Variants in CCDC25 observed in about 807,000 individuals in gnomAD.
CCDC25 encodes coiled-coil domain containing 25, also known as coiled-coil domain-containing protein 25.
A neutral mutation model predicts 35.3 loss-of-function variants in CCDC25; 16 were observed. That is an observed-to-expected ratio of 0.45 (90% CI 0.31 to 0.69). The LOEUF is 0.69. Among genes scored for constraint, CCDC25 ranks in the 30% least tolerant of loss-of-function variants. CCDC25 has a pLI of 0.06. For missense variants in CCDC25, 179 were observed against 250.7 expected (o/e 0.71, Z 1.93); for synonymous variants, 79 against 80.3 (o/e 0.98, Z 0.09).
rs369315188 is a variant in CCDC25 at position 27,759,506 on chromosome 8, G to A, written c.117-2736C>T. Among the ~76,000 whole-genome samples, 104 of 151,900 alleles carry A rather than the reference G, an allele frequency of 6.8e-4. 5 individuals carry two copies. In the East Asian group the frequency reaches 0.012, roughly 17 times the overall value. Reference sequence around the variant, plus strand: ...AGCCTGTAGTCCCAGCTACTTGGGAGGCTGAAGCAGCAGAACCACTTGAAC... The same window carrying A: ...AGCCTGTAGTCCCAGCTACTTGGGAAGCTGAAGCAGCAGAACCACTTGAAC... On this transcript the variant is annotated intron_variant, in intron 3 of 8. Transcript: ENST00000356537.
rs575154856 is a variant in CCDC25 at position 27,771,652 on chromosome 8, A to T, written c.28+861T>A. 2.2e-4 allele frequency among the ~76,000 whole-genome samples: 34 copies of T among 152,290 alleles called. No individual in the cohort carries two copies. In the South Asian group the frequency reaches 2.3e-3, roughly 10 times the overall value. ...TCCTGTCCACGCCCTCAAGGGACTT[A>T]CACTCTAGCTCAAGCAGACACCATT... On this transcript the variant is annotated intron_variant, in intron 1 of 8. Coordinates refer to ENST00000356537, the MANE Select transcript of CCDC25 (RefSeq NM_018246.3).
intron 6 of CCDC25, 32 bp downstream of exon 6, chr8:27,748,463 C>T (rs372998761): frequency 4.6e-6 from 7 of 1,508,652 alleles, no homozygotes; most frequent in Non-Finnish European, 6.4e-6. Context: ...AGTATCAGGG[C>T]TCCGCCTCCT....
At chr8:27,753,505 G>A (rs1257777126) in intron 4 of CCDC25, among the ~76,000 whole-genome samples, 4 of 152,208 alleles carry the variant, frequency 2.6e-5, no homozygotes, top group East Asian at 1.9e-4. Context: ...GAGCCCAGGC[G>A]TTCAAGACCA....
chr8:27,748,416 CAAT>C (rs1332742865), intron 6 of CCDC25, 76 bp downstream of exon 6: 3 of 1,350,038 alleles, frequency 2.2e-6, no homozygotes, highest in East Asian at 4.6e-5. Flanking sequence ...CCCTCAACAA[CAAT>C]GGTGTCAGAC....
At position 27,734,628 on chromosome 8, in the gene CCDC25, G is replaced by A. The variant is rs1459356774; in HGVS notation, c.*1588C>T. The A allele has an allele frequency of 6.6e-6, 1 of 152,030 alleles. No homozygotes were observed. The allele number at this position is 152,030 out of a possible 1,614,324, so 9.4% of individuals were successfully genotyped here. ...CAACAAGAGAATTCAGCAGAGACCT[G>A]GACATTTTAAACCAGTGTAAGCTGA... On this transcript the variant is annotated 3_prime_UTR_variant, in exon 9 of 9. Coordinates refer to ENST00000356537, the MANE Select transcript of CCDC25 (RefSeq NM_018246.3).
intron 2 of CCDC25, among the ~76,000 whole-genome samples, chr8:27,763,415 CAATTTAAA>C (rs1279460466): frequency 6.6e-6 from 1 of 152,098 alleles, no homozygotes; most frequent in Non-Finnish European, 1.5e-5. Context: ...TATTAAATGC[CAATTTAAA>C]AATCATAAAC....
chr8:27,747,642 A>C (rs1803650115), intron 7 of CCDC25: 2 of 175,130 alleles, frequency 1.1e-5, no homozygotes, highest in South Asian at 2.8e-4. Context: ...ACATTACTTT[A>C]AACTTTCAAA....
chr8:27,744,722 T>C (rs7831555), intron 7 of CCDC25, among the ~76,000 whole-genome samples: 64,776 of 152,058 alleles, frequency 0.43, 14,083 homozygotes, highest in East Asian at 0.63. Context: ...ACCTTGACTC[T>C]GGCCTTGCCA....
At chr8:27,768,629 C>G in intron 1 of CCDC25, among the ~76,000 whole-genome samples, 1 of 151,218 alleles carries the variant, frequency 6.6e-6, no homozygotes. Context: ...CACAACAAGT[C>G]TGAATTAAGT....
At chr8:27,747,527 C>T (rs1282970225) in intron 7 of CCDC25, among the ~76,000 whole-genome samples, 2 of 152,222 alleles carry the variant, frequency 1.3e-5, no homozygotes. Context: ...AGAAAACTAA[C>T]ATAATCATTA....
chr8:27,756,200 C>T (rs573967190), intron 4 of CCDC25: 3 of 152,694 alleles, frequency 2.0e-5, no homozygotes, highest in African/African-American at 7.2e-5. Context: ...AGCATATATA[C>T]CCTATGATTC....
intron 8 of CCDC25, 86 bp from the exon 9 acceptor site, chr8:27,736,331 C>A: frequency 1.9e-6 from 2 of 1,026,690 alleles, no homozygotes; most frequent in Non-Finnish European, 2.9e-6. Context: ...TAGCGAGCTG[C>A]CTTCTCATCT....
At position 27,737,884 on chromosome 8, in the gene CCDC25, T is replaced by TCACACACACA. The variant is rs141212043; in HGVS notation, c.598-1649_598-1640dup. On this transcript the variant is annotated intron_variant, in intron 8 of 8. Transcript: ENST00000356537. This position sits in a 1 kb window ranked among gnomAD's most constrained non-coding sequence, Gnocchi z 4.6. ...AACTGTGGTGTGTGTATACACACAC[T>TCACACACACA]CACACACACACACACACACACACAC... Among the ~76,000 whole-genome samples, 53 of 148,560 alleles carry TCACACACACA rather than the reference T, an allele frequency of 3.6e-4. 1 individual carries two copies. The highest frequency in any genetic ancestry group is 6.4e-4 in the Non-Finnish European group (43 of 66,808).
chr8:27,746,410 T>C (rs1209326546), intron 7 of CCDC25, among the ~76,000 whole-genome samples: 1 of 152,192 alleles, frequency 6.6e-6, no homozygotes, highest in Admixed American at 6.5e-5. Flanking sequence ...AGATGGAAAA[T>C]GTTCAGAAGG....
Position 27,772,545 on chromosome 8 carries a change from C to T in CCDC25, c.-5G>A. The T allele has an allele frequency of 6.5e-7, 1 of 1,549,470 alleles. No homozygotes were observed. The highest frequency in any genetic ancestry group is 8.7e-7 in the Non-Finnish European group (1 of 1,146,620). The stretch of plus-strand genomic sequence containing the variant: ...GCTGGTGAAGTAGAACACCATGATC[C>T]CGGGAGCGGTGCGGTGACTCCACCG... On this transcript the variant is annotated 5_prime_UTR_variant, in exon 1 of 9. Coordinates refer to ENST00000356537, the MANE Select transcript of CCDC25 (RefSeq NM_018246.3).
chr8:27,768,756 A>T (rs1804489324), intron 1 of CCDC25, among the ~76,000 whole-genome samples: 1 of 152,188 alleles, frequency 6.6e-6, no homozygotes, highest in African/African-American at 2.4e-5. Context: ...CACTTGACTT[A>T]CGGGTAGCAA....
At chr8:27,736,888 T>C (rs1024954432) in intron 8 of CCDC25, among the ~76,000 whole-genome samples, 12 of 152,212 alleles carry the variant, frequency 7.9e-5, no homozygotes, top group Non-Finnish European at 1.5e-4. Flanking sequence ...CACACAAAGG[T>C]AGAGCCCTGA....
At chr8:27,769,777 A>G (rs768003122) in intron 1 of CCDC25, among the ~76,000 whole-genome samples, 6 of 152,212 alleles carry the variant, frequency 3.9e-5, no homozygotes, top group East Asian at 1.9e-4. Context: ...CTGAGCCTCA[A>G]TCTTACTTCT....
chr8:27,742,367 A>G (rs985201267), intron 7 of CCDC25, among the ~76,000 whole-genome samples: 6 of 152,216 alleles, frequency 3.9e-5, no homozygotes, highest in African/African-American at 1.4e-4. Flanking sequence ...CAAAAAACAG[A>G]CAAGATCAAC....
Sources: gnomAD v4.1 joint callset for allele counts (sites outside exome capture counted in the v4.1 genomes callset) on GRCh38, gnomAD v4.1.1 for gene constraint, Gnocchi (gnomAD v3.1) non-coding constraint, MANE v1.5 for transcripts, NCBI Gene and HGNC (gene_info 2026-07-23, HGNC 2026-07-21) for gene names.